The following NAA60 variants were observed in gnomAD, a reference collection of about 807,000 sequenced individuals.
The protein encoded by NAA60 is N-alpha-acetyltransferase 60, NatF catalytic subunit, also known as N-alpha-acetyltransferase 60.
A neutral mutation model predicts 26.1 loss-of-function variants in NAA60; 8 were observed. The observed-to-expected ratio is 0.31, with a 90% CI of 0.18 to 0.55. The LOEUF (loss-of-function observed/expected upper bound fraction) is 0.55, where lower values mean the gene tolerates loss of function less well. Among genes scored for constraint, NAA60 ranks in the 20% least tolerant of loss-of-function variants. NAA60 has a pLI of 0.93. For synonymous variants in NAA60, 131 were observed against 122.5 expected (o/e 1.07, Z -0.46); for missense variants, 290 against 311.3 (o/e 0.93, Z 0.51).
At chr16:3,465,055 C>G (rs1254953699) in intron 2 of NAA60, among the ~76,000 whole-genome samples, 1 of 151,934 alleles carries the variant, frequency 6.6e-6, no homozygotes, top group Non-Finnish European at 1.5e-5. Flanking sequence ...ATCATGAGGT[C>G]AGGAGATTGA....
chr16:3,467,181 G>T (rs2035819872), intron 2 of NAA60, among the ~76,000 whole-genome samples: 1 of 152,180 alleles, frequency 6.6e-6, no homozygotes, highest in African/African-American at 2.4e-5. Flanking sequence ...CGATCCTGAG[G>T]TAGGTGGGAG....
chr16:3,469,660 G>A (rs2036000834), intron 2 of NAA60, among the ~76,000 whole-genome samples: 1 of 151,992 alleles, frequency 6.6e-6, no homozygotes, highest in Non-Finnish European at 1.5e-5. Context: ...AGAGCAGAGA[G>A]CACCTGCCTG....
chr16:3,443,881 T>A, intron 1 of NAA60, 44 bp downstream of exon 1: 3 of 1,513,988 alleles, frequency 2.0e-6, no homozygotes, highest in Middle Eastern at 3.4e-4. Context: ...AATTTCGGTC[T>A]GGCCAGAGCA....
chr16:3,484,437 C>G (rs1367234395), intron 6 of NAA60: 5 of 550,734 alleles, frequency 9.1e-6, no homozygotes, highest in Middle Eastern at 4.8e-4. Context: ...CCCGTGCATC[C>G]CTGGGTGTGG....
At chr16:3,460,718 G>A (rs2035333759) in intron 2 of NAA60, among the ~76,000 whole-genome samples, 1 of 152,208 alleles carries the variant, frequency 6.6e-6, no homozygotes, top group African/African-American at 2.4e-5. Flanking sequence ...CAAGGCTGGG[G>A]TGTGGACCCT....
chr16:3,448,284 A>AC (rs907349541), intron 1 of NAA60, among the ~76,000 whole-genome samples, 187 bp from the exon 2 acceptor site: 18 of 151,062 alleles, frequency 1.2e-4, no homozygotes, highest in East Asian at 5.8e-4. Context: ...AAAAAAAAAA[A>AC]AAAAAAAAAC....
At chr16:3,448,313 T>G (rs1180325932) in intron 1 of NAA60, among the ~76,000 whole-genome samples, 158 bp from the exon 2 acceptor site, 2 of 151,524 alleles carry the variant, frequency 1.3e-5, no homozygotes, top group African/African-American at 4.9e-5. Context: ...CTTTGTAGTT[T>G]AGAGAACTAC....
chr16:3,449,876 C>T, intron 2 of NAA60: 1 of 384,288 alleles, frequency 2.6e-6, no homozygotes, highest in Admixed American at 4.5e-5. Context: ...TTTTGTCTGC[C>T]ACCATGTGAG....
Position 3,444,937 on chromosome 16 carries a change from G to T in NAA60, c.-77+1100G>T, listed in dbSNP as rs35974246. Among the ~76,000 whole-genome samples, 406 of 152,238 alleles carry T rather than the reference G, an allele frequency of 2.7e-3. 2 individuals carry two copies. The highest frequency in any genetic ancestry group is 9.3e-3 in the African/African-American group (388 of 41,538). ...TTGATAATCTACCTGCACAAAATTAGGGCTTTGTTACAAATGAAAAAAAGA... is the reference window on the plus strand; with the variant it reads ...TTGATAATCTACCTGCACAAAATTATGGCTTTGTTACAAATGAAAAAAAGA... On this transcript the variant is annotated intron_variant, in intron 1 of 7. Transcript: ENST00000407558.
At chr16:3,482,954 C>T (rs778644389) in intron 5 of NAA60, 32 of 475,744 alleles carry the variant, frequency 6.7e-5, no homozygotes, top group Non-Finnish European at 9.6e-5. Flanking sequence ...AGCGTGAACA[C>T]GCACGAGGAA....
intron 4 of NAA60, 104 bp from the exon 5 acceptor site, chr16:3,482,398 C>T: frequency 1.1e-6 from 1 of 910,196 alleles, no homozygotes; most frequent in East Asian, 2.6e-5. Context: ...CGGTGTCCCT[C>T]TGGCTGTCGT....
intron 2 of NAA60, among the ~76,000 whole-genome samples, chr16:3,470,096 C>G (rs1474166851): frequency 6.6e-6 from 1 of 152,238 alleles, no homozygotes; most frequent in Admixed American, 6.5e-5. Flanking sequence ...ACTTTGCCAT[C>G]TGCTGGAGGG....
intron 7 of NAA60, 26 bp downstream of exon 7, chr16:3,485,087 T>G: frequency 7.5e-7 from 1 of 1,340,524 alleles, no homozygotes; most frequent in Non-Finnish European, 1.0e-6. Flanking sequence ...CACAAAGGTA[T>G]GGGAGCTTGG....
chr16:3,467,427 A>C (rs76498019), intron 2 of NAA60, among the ~76,000 whole-genome samples: 9,288 of 152,210 alleles, frequency 0.061, 377 homozygotes, highest in Admixed American at 0.084. Context: ...ACACCTCTCA[A>C]GCCATTAAGA....
chr16:3,471,277 G>A (rs758915910), intron 2 of NAA60, among the ~76,000 whole-genome samples: 6 of 152,066 alleles, frequency 3.9e-5, no homozygotes, highest in Admixed American at 6.5e-5. Flanking sequence ...CAAGGCAGGC[G>A]GATCATGAGG....
chr16:3,481,137 A>G (rs537449481), intron 4 of NAA60, among the ~76,000 whole-genome samples: 7 of 149,018 alleles, frequency 4.7e-5, no homozygotes, highest in Non-Finnish European at 8.9e-5. Context: ...TTTTTTTTTT[A>G]TTGAAACGGA....
intron 2 of NAA60, among the ~76,000 whole-genome samples, chr16:3,459,838 C>T (rs1255033002): frequency 6.6e-6 from 1 of 152,152 alleles, no homozygotes; most frequent in Non-Finnish European, 1.5e-5. Context: ...TTTGTTTTGA[C>T]CAGGCCGGGA....
chr16:3,448,850 G>C (rs1015533011), intron 2 of NAA60: 2 of 253,258 alleles, frequency 7.9e-6, no homozygotes, highest in Non-Finnish European at 1.5e-5. Flanking sequence ...CCCAGTCTCA[G>C]GGCACACTGA....
At chr16:3,448,355 G>T in intron 1 of NAA60, 116 bp from the exon 2 acceptor site, 1 of 689,300 alleles carries the variant, frequency 1.5e-6, no homozygotes, top group South Asian at 2.0e-5. Context: ...CCCCAAAAGG[G>T]CCCATCAGAT....
Sources: gnomAD v4.1 joint callset for allele counts (sites outside exome capture counted in the v4.1 genomes callset) on GRCh38, gnomAD v4.1.1 for gene constraint, MANE v1.5 for transcripts, NCBI Gene and HGNC (gene_info 2026-07-23, HGNC 2026-07-21) for gene names.